Variants in SMG5 observed in about 807,000 individuals in gnomAD.
SMG5 encodes the protein nonsense-mediated mRNA decay factor SMG5.
Under a neutral mutation model 122.9 loss-of-function variants are expected in SMG5, and 53 were observed. The ratio of observed to expected loss-of-function variants is 0.43; its 90% CI spans 0.35 to 0.54. The LOEUF is 0.54. SMG5 is among the 20% of genes least tolerant of loss of function. The pLI, the probability that SMG5 is intolerant of heterozygous loss-of-function variation, is 0.01. For synonymous variants in SMG5, 477 were observed against 490.2 expected (o/e 0.97, Z 0.35); for missense variants, 1,153 against 1,285.6 (o/e 0.90, Z 1.58).
rs774378258 is a variant in SMG5 at position 156,274,565 on chromosome 1, A to C, written c.544+32T>G. The C allele has an allele frequency of 1.9e-5, 31 of 1,604,794 alleles. 1 individual carries two copies. In the South Asian group the frequency reaches 3.4e-4, roughly 18 times the overall value. On this transcript the variant is annotated intron_variant, in intron 5 of 21. Transcript: ENST00000361813. ...CAGCCTGGGCTCGTCCTGTAACCCA[A>C]AACAGAGAAAATGAAAGGTGCAAAT...
intron 16 of SMG5, among the ~76,000 whole-genome samples, chr1:156,254,293 TGCCCATTATA>T (rs1661480875): frequency 7.9e-5 from 12 of 152,248 alleles, no homozygotes; most frequent in Admixed American, 7.9e-4. Context: ...AACCATCTGA[TGCCCATTATA>T]GCCCTGCTTA....
At position 156,282,755 on chromosome 1, in the gene SMG5, G is replaced by GGCCGTA. The variant is rs768763562; in HGVS notation, c.-81_-76dup. On this transcript the variant is annotated 5_prime_UTR_variant, in exon 1 of 22. Transcript: ENST00000361813. ...CACTACCGCCAACACTGCCGTCTCCGGCCGTAGCCGCAGCCGCCGCCGCCA... is the reference window on the plus strand; with the variant it reads ...CACTACCGCCAACACTGCCGTCTCCGGCCGTAGCCGTAGCCGCAGCCGCCGCCGCCA... The GGCCGTA allele has an allele frequency of 7.6e-5, 111 of 1,459,986 alleles. No individual in the cohort carries two copies. In the Middle Eastern group the frequency reaches 1.6e-3, roughly 21 times the overall value. 90.4% of individuals were successfully genotyped at this position (1,459,986 alleles called of 1,614,324 possible).
intron 9 of SMG5, 131 bp downstream of exon 9, chr1:156,267,984 A>C: frequency 1.0e-6 from 1 of 970,836 alleles, no homozygotes; most frequent in Middle Eastern, 2.4e-4. Context: ...AATGCCAAGA[A>C]AGGATGAATT....
chr1:156,263,225 T>C (rs138220996), intron 13 of SMG5, among the ~76,000 whole-genome samples, 170 bp downstream of exon 13: 88 of 152,362 alleles, frequency 5.8e-4, no homozygotes, highest in African/African-American at 1.4e-3. Context: ...GCCAAGATCA[T>C]GCCTAATCCT....
intron 1 of SMG5, among the ~76,000 whole-genome samples, chr1:156,281,272 A>G (rs190738358): frequency 6.6e-6 from 1 of 152,258 alleles, no homozygotes; most frequent in East Asian, 1.9e-4. Context: ...CTGTGAATGT[A>G]GTGGTTTAAG....
In SMG5 at chr1:156,260,627, C is replaced by T; in HGVS notation, c.2108-1G>A. The T allele has an allele frequency of 6.7e-7, 1 of 1,498,432 alleles. No homozygotes were observed. Among genetic ancestry groups the T allele is most frequent in the Non-Finnish European group, 8.9e-7 (1 of 1,127,706 alleles). 92.8% of individuals were successfully genotyped at this position (1,498,432 alleles called of 1,614,324 possible). On this transcript the variant is annotated splice_acceptor_variant, in intron 14 of 21. Transcript: ENST00000361813. LOFTEE classifies it high-confidence loss of function. ...TGGACCTCAGGACACAAGGCCAGGC[C>T]TGGGCAGAAGAAGGACACATAAGAC...
intron 12 of SMG5, among the ~76,000 whole-genome samples, chr1:156,264,057 T>A (rs1661992400): frequency 6.6e-6 from 1 of 151,592 alleles, no homozygotes; most frequent in Non-Finnish European, 1.5e-5. Flanking sequence ...ATCACAAGGT[T>A]AGGAGTTCAA....
At chr1:156,255,121 A>G (rs1028000585) in intron 16 of SMG5, among the ~76,000 whole-genome samples, 2 of 147,486 alleles carry the variant, frequency 1.4e-5, no homozygotes, top group Non-Finnish European at 1.5e-5. Context: ...AATAAAATAA[A>G]ATAAAATATT....
intron 19 of SMG5, 25 bp from the exon 20 acceptor site, chr1:156,251,502 G>A (rs199954895): frequency 1.2e-6 from 2 of 1,612,938 alleles, no homozygotes; most frequent in East Asian, 4.5e-5. Flanking sequence ...TGCGAGTGGA[G>A]GTCAGGAGCA....
At chr1:156,275,041 T>G (rs1662617350) in intron 4 of SMG5, among the ~76,000 whole-genome samples, 1 of 150,988 alleles carries the variant, frequency 6.6e-6, no homozygotes, top group African/African-American at 2.4e-5. Flanking sequence ...CATGAATGTC[T>G]TGGGTAGAAG....
Position 156,281,823 on chromosome 1 carries a change from G to A in SMG5, c.74+784C>T, listed in dbSNP as rs117741780. ...AAATTCTCCACCTTTGATGGGAAGA[G>A]CTCATTCGGGCCTGTTGCCAACAGA... On this transcript the variant is annotated intron_variant, in intron 1 of 21. Coordinates refer to ENST00000361813, the MANE Select transcript of SMG5 (RefSeq NM_015327.3). 9.5e-4 allele frequency among the ~76,000 whole-genome samples: 144 copies of A among 152,326 alleles called. 1 individual carries two copies. In the East Asian group the frequency reaches 0.027, roughly 29 times the overall value.
rs115616620 is a variant in SMG5, at chr1:156,253,119, C to G, written c.2503-41G>C. 1.5e-3 allele frequency: 2,229 copies of G among 1,533,282 alleles called. 24 individuals carry two copies. The African/African-American group carries it at 0.027, about 19-fold the overall frequency. 95.0% of individuals were successfully genotyped at this position (1,533,282 alleles called of 1,614,324 possible). A position where few individuals can be genotyped will look rare whatever the true frequency, so the allele number is the denominator to read the frequency against. ...AAGGTGGGTACAGCTGTGGGGGACCCCTGCAGCCGGGCCGGGGGAAGAGTG... is the reference window on the plus strand; with the variant it reads ...AAGGTGGGTACAGCTGTGGGGGACCGCTGCAGCCGGGCCGGGGGAAGAGTG... On this transcript the variant is annotated intron_variant, in intron 17 of 21. Coordinates refer to ENST00000361813, the MANE Select transcript of SMG5 (RefSeq NM_015327.3).
chr1:156,274,274 A>G (rs540300337), intron 5 of SMG5, among the ~76,000 whole-genome samples: 1 of 152,372 alleles, frequency 6.6e-6, no homozygotes, highest in East Asian at 1.9e-4. Context: ...TTCATCTAGC[A>G]GTCCATAAAG....
chr1:156,271,934 A>G (rs576084310), intron 7 of SMG5, among the ~76,000 whole-genome samples: 1 of 152,184 alleles, frequency 6.6e-6, no homozygotes, highest in South Asian at 2.1e-4. Flanking sequence ...AGTCAGACCC[A>G]GGGAAGCAGT....
At chr1:156,281,008 G>A (rs907105362) in intron 1 of SMG5, among the ~76,000 whole-genome samples, 13 of 152,178 alleles carry the variant, frequency 8.5e-5, no homozygotes, top group East Asian at 3.8e-4. Context: ...TAAACAGCTA[G>A]GTGTGAGAGT....
At position 156,253,645 on chromosome 1, in the gene SMG5, G is replaced by C. The variant is rs1047230489; in HGVS notation, c.2443-137C>G. The C allele has an allele frequency of 3.9e-6, 3 of 765,224 alleles. No homozygotes were observed. In the African/African-American group the frequency reaches 5.1e-5, roughly 13 times the overall value. The allele number at this position is 765,224 out of a possible 1,614,324, so 47.4% of individuals were successfully genotyped here. ...CTCTCTAGCACTGCTGCTGAATGAG[G>C]GGAGGAGAGGCATGGAAGAAAAAAT... On this transcript the variant is annotated intron_variant, in intron 16 of 21. Coordinates refer to ENST00000361813, the MANE Select transcript of SMG5 (RefSeq NM_015327.3).
At chr1:156,258,861 C>T (rs1661689863) in intron 16 of SMG5, 144 bp downstream of exon 16, 1 of 995,284 alleles carries the variant, frequency 1.0e-6, no homozygotes, top group Non-Finnish European at 1.4e-6. Context: ...TCCCAGGCCT[C>T]CCTCCCAGCC....
chr1:156,261,482 C>T, intron 13 of SMG5, 74 bp from the exon 14 acceptor site: 1 of 1,247,548 alleles, frequency 8.0e-7, no homozygotes, highest in South Asian at 1.2e-5. Context: ...AAGGAAAGCA[C>T]CACCCTGAGG....
In SMG5 at chr1:156,266,139, CTT is replaced by C; in HGVS notation, c.1495_1496del (p.Lys499GlufsTer3). 6.2e-7 allele frequency: 1 copy of C among 1,614,248 alleles called. No individual in the cohort carries two copies. Among genetic ancestry groups the C allele is most frequent in the Non-Finnish European group, 8.5e-7 (1 of 1,180,038 alleles). On this transcript the variant is annotated frameshift_variant, in exon 12 of 22. Coordinates refer to ENST00000361813, the MANE Select transcript of SMG5 (RefSeq NM_015327.3). LOFTEE classifies it high-confidence loss of function. ...AGGCCGTTCCCCCACCTTCAAGACTCTTGTCAGAGCCACTGTCTGAGCCCTCA... is the reference window on the plus strand; with the variant it reads ...AGGCCGTTCCCCCACCTTCAAGACTCGTCAGAGCCACTGTCTGAGCCCTCA... Reference protein sequence around the residue: ...ASEGSDSGSDKSLEGGGTAFD... With the variant: ...ASEGSDSGSDXSLEGGGTAFD...
Sources: gnomAD v4.1 joint callset for allele counts (sites outside exome capture counted in the v4.1 genomes callset) on GRCh38, gnomAD v4.1.1 for gene constraint, MANE v1.5 for transcripts, NCBI Gene and HGNC (gene_info 2026-07-23, HGNC 2026-07-21) for gene names.